The following MYLIP variants were observed in gnomAD, a reference collection of about 807,000 sequenced individuals.
The protein encoded by MYLIP is E3 ubiquitin-protein ligase MYLIP.
MYLIP carries 26 observed loss-of-function variants against 45.8 expected under a neutral mutation model. The observed-to-expected ratio is 0.57, with a 90% CI of 0.42 to 0.79. The LOEUF (loss-of-function observed/expected upper bound fraction) is 0.79. Ranked by LOEUF, MYLIP falls within the 30% of genes least tolerant of loss-of-function variation. The pLI is 0.00. For synonymous variants in MYLIP, 213 were observed against 218.1 expected, an observed-to-expected ratio of 0.98 and a Z score of 0.21; for missense variants, 494 against 555.6, an observed-to-expected ratio of 0.89 and a Z score of 1.11.
chr6:16,154,396 A>G, the MYLIP span, among the ~76,000 whole-genome samples: 1 of 152,170 alleles, frequency 6.6e-6, no homozygotes, highest in Non-Finnish European at 1.5e-5. Flanking sequence ...GGTTCATTTC[A>G]TTCTCACAAC....
intron 5 of MYLIP, among the ~76,000 whole-genome samples, chr6:16,144,360 C>T (rs1048181743): frequency 6.6e-6 from 1 of 152,204 alleles, no homozygotes; most frequent in Non-Finnish European, 1.5e-5. Context: ...GGCAGAGCTG[C>T]TATCCTGAGT....
chr6:16,138,703 G>A (rs891949234), intron 2 of MYLIP, among the ~76,000 whole-genome samples: 1 of 152,140 alleles, frequency 6.6e-6, no homozygotes, highest in Non-Finnish European at 1.5e-5. Flanking sequence ...GCACAGAGGC[G>A]GTGCAAGACA....
At chr6:16,143,242 G>T (rs750888802) in intron 4 of MYLIP, 25 bp downstream of exon 4, 4 of 1,609,080 alleles carry the variant, frequency 2.5e-6, no homozygotes, top group East Asian at 2.2e-5. Context: ...AACTTTTTTT[G>T]ACCTAAGCAT....
At chr6:16,137,269 G>T (rs1759575146) in intron 2 of MYLIP, among the ~76,000 whole-genome samples, 2 of 152,120 alleles carry the variant, frequency 1.3e-5, no homozygotes, top group Admixed American at 1.3e-4. Flanking sequence ...ATATAACTTG[G>T]CAGTCAAAGT....
chr6:16,146,752 T>C lies in MYLIP; in HGVS notation c.*1T>C, dbSNP rs1457944644. ...TCTTCTCAATCTGACTGTAATCTAA[T>C]CTGTTGTGCTTTTGTTGGACTTGGC... On this transcript the variant is annotated 3_prime_UTR_variant, in exon 7 of 7. Transcript: ENST00000356840. 1 of 1,601,300 alleles carries C rather than the reference T, an allele frequency of 6.2e-7. No individual in the cohort carries two copies. Among genetic ancestry groups the C allele is most frequent in the Admixed American group, 1.7e-5 (1 of 59,448 alleles).
At chr6:16,151,356 CA>C (rs35224127), downstream of MYLIP, among the ~76,000 whole-genome samples, 37 of 137,730 alleles carry the variant, frequency 2.7e-4, no homozygotes, top group East Asian at 4.2e-4. Context: ...GACTCCATCT[CA>C]AAAAAAAAAA....
chr6:16,154,527 G>T, the MYLIP span, among the ~76,000 whole-genome samples: 2 of 152,142 alleles, frequency 1.3e-5, no homozygotes, highest in African/African-American at 2.4e-5. Context: ...GGAGTCACAC[G>T]CAGGGCTCCA....
the MYLIP span, among the ~76,000 whole-genome samples, chr6:16,153,427 C>T: frequency 6.6e-6 from 1 of 152,146 alleles, no homozygotes; most frequent in Admixed American, 6.5e-5. Context: ...GGAGGATTTT[C>T]CCCATGAATT....
chr6:16,152,855 T>C (rs890421026), downstream of MYLIP, among the ~76,000 whole-genome samples: 39 of 152,100 alleles, frequency 2.6e-4, no homozygotes, highest in African/African-American at 8.5e-4. Context: ...AGTTCAAAAA[T>C]GTAGCATATT....
rs2205795 is a variant in MYLIP, at chr6:16,147,827, G to T, written c.*1076G>T. 29,262 of 152,476 alleles carry T rather than the reference G, an allele frequency of 0.19. 3,014 individuals carry two copies. The highest frequency in any genetic ancestry group is 0.29 in the South Asian group (1,377 of 4,816). The allele number at this position is 152,476 out of a possible 1,614,324, so 9.4% of individuals were successfully genotyped here. A position where few individuals can be genotyped will look rare whatever the true frequency, so the allele number is the denominator to read the frequency against. On this transcript the variant is annotated 3_prime_UTR_variant, in exon 7 of 7. Transcript: ENST00000356840. ...TGTCCCCTCTGTATGTTTCGAAGGGGTTTTGGTTCTTTTTGCTTCTGTTTT... is the reference window on the plus strand; with the variant it reads ...TGTCCCCTCTGTATGTTTCGAAGGGTTTTTGGTTCTTTTTGCTTCTGTTTT...
downstream of MYLIP, among the ~76,000 whole-genome samples, chr6:16,150,785 T>C (rs1046926555): frequency 6.6e-6 from 1 of 152,214 alleles, no homozygotes. Flanking sequence ...TTGGTCTTTT[T>C]ATTAAGGGTT....
the MYLIP span, among the ~76,000 whole-genome samples, chr6:16,161,652 C>A: frequency 2.0e-5 from 3 of 152,152 alleles, no homozygotes; most frequent in African/African-American, 7.2e-5. Context: ...AATGCTAGCA[C>A]AATTTGGGAG....
At chr6:16,143,677 C>CT in intron 4 of MYLIP, 22 bp from the exon 5 acceptor site, 1 of 1,612,132 alleles carries the variant, frequency 6.2e-7, no homozygotes, top group Non-Finnish European at 8.5e-7. Flanking sequence ...GATCTGCTTT[C>CT]TTTTCTCTTC....
chr6:16,162,792 A>AAAAAAAAAAAAAAG, the MYLIP span, among the ~76,000 whole-genome samples: 230 of 150,180 alleles, frequency 1.5e-3, 13 homozygotes, highest in African/African-American at 5.4e-3. Flanking sequence ...CTCTAAAAAA[A>AAAAAAAAAAAAAAG]AAAAAAAAAA....
the MYLIP span, among the ~76,000 whole-genome samples, chr6:16,154,290 C>T: frequency 6.6e-6 from 1 of 152,166 alleles, no homozygotes; most frequent in African/African-American, 2.4e-5. Context: ...CATGCCTCCC[C>T]TCTCCCCTCT....
downstream of MYLIP, among the ~76,000 whole-genome samples, chr6:16,148,513 G>A (rs4716050): frequency 0.36 from 53,663 of 150,406 alleles, 9,873 homozygotes; most frequent in East Asian, 0.46. Flanking sequence ...CACTTCACCA[G>A]GTTATTCTCT....
intron 2 of MYLIP, among the ~76,000 whole-genome samples, chr6:16,140,272 T>C (rs1301710967): frequency 6.6e-6 from 1 of 152,238 alleles, no homozygotes; most frequent in African/African-American, 2.4e-5. Flanking sequence ...GAGGCCAATC[T>C]GTCTACAGCA....
At chr6:16,156,924 T>C in the MYLIP span, among the ~76,000 whole-genome samples, 1 of 152,228 alleles carries the variant, frequency 6.6e-6, no homozygotes, top group South Asian at 2.1e-4. Flanking sequence ...CAAACACATC[T>C]GCTCAGGGCA....
intron 6 of MYLIP, among the ~76,000 whole-genome samples, chr6:16,146,157 G>T (rs1759786201): frequency 6.6e-6 from 1 of 152,200 alleles, no homozygotes; most frequent in South Asian, 2.1e-4. Context: ...CTGATGATGG[G>T]CACGGGCTTT....
Sources: allele counts gnomAD v4.1 joint callset (sites outside exome capture counted in the v4.1 genomes callset), GRCh38; gene constraint gnomAD v4.1.1; transcripts MANE v1.5; gene names NCBI Gene and HGNC (gene_info 2026-07-23, HGNC 2026-07-21).